The following PRKD1 variants were observed in gnomAD, a reference collection of about 807,000 sequenced individuals.
PRKD1 encodes serine/threonine-protein kinase D1.
Under a neutral mutation model 95.9 loss-of-function variants are expected in PRKD1, and 63 were observed. That is an observed-to-expected ratio of 0.66 (90% confidence interval 0.54 to 0.81). The LOEUF (loss-of-function observed/expected upper bound fraction) is 0.81, where lower values mean the gene tolerates loss of function less well. Among genes scored for constraint, PRKD1 ranks in the 30% least tolerant of loss-of-function variants. The pLI, the probability that PRKD1 is intolerant of heterozygous loss-of-function variation, is 0.00. For synonymous variants in PRKD1, 425 were observed against 423.1 expected (o/e 1.00, Z -0.05); for missense variants, 1,048 against 1,165.3 (o/e 0.90, Z 1.47).
intron 8 of PRKD1, 101 bp from the exon 9 acceptor site, chr14:29,633,047 G>A (rs1880129326): frequency 9.2e-7 from 1 of 1,087,190 alleles, no homozygotes; most frequent in East Asian, 2.4e-5. Context: ...GCGATTTGAG[G>A]GTGGAAAGTG....
intron 2 of PRKD1, among the ~76,000 whole-genome samples, chr14:29,721,900 T>C (rs907375752): frequency 2.6e-5 from 4 of 152,098 alleles, no homozygotes; most frequent in African/African-American, 9.7e-5. Flanking sequence ...ACACTAGTCA[T>C]GTTTTTCAAA....
chr14:29,609,515 C>CACAG (rs1415033600), intron 13 of PRKD1, among the ~76,000 whole-genome samples: 2 of 147,246 alleles, frequency 1.4e-5, no homozygotes, highest in Non-Finnish European at 3.0e-5. Context: ...TGCACACACA[C>CACAG]ACACACACAC....
chr14:29,687,148 A>G (rs1883928771), intron 2 of PRKD1, among the ~76,000 whole-genome samples: 1 of 152,192 alleles, frequency 6.6e-6, no homozygotes, highest in Non-Finnish European at 1.5e-5. Context: ...TTAAAAAAAA[A>G]AGAAAAAAAC....
At chr14:29,834,556 G>T (rs1163646047) in intron 1 of PRKD1, among the ~76,000 whole-genome samples, 8 of 151,836 alleles carry the variant, frequency 5.3e-5, no homozygotes. Context: ...ATAATTTAAT[G>T]GTTGGATGTT....
At chr14:29,676,183 GTT>G (rs34953735) in intron 2 of PRKD1, among the ~76,000 whole-genome samples, 3 of 67,446 alleles carry the variant, frequency 4.4e-5, no homozygotes, top group East Asian at 7.2e-4. Flanking sequence ...TTACGTTTTT[GTT>G]TTTTTTTTTT....
intron 1 of PRKD1, among the ~76,000 whole-genome samples, chr14:29,849,671 C>T (rs978235733): frequency 1.3e-5 from 2 of 151,908 alleles, no homozygotes; most frequent in African/African-American, 4.8e-5. Flanking sequence ...ACCAATCCCA[C>T]CGAAACTATT....
intron 16 of PRKD1, among the ~76,000 whole-genome samples, chr14:29,588,160 G>T (rs555422507): frequency 1.3e-5 from 2 of 152,286 alleles, no homozygotes; most frequent in South Asian, 4.1e-4. Flanking sequence ...CGTACCATTG[G>T]ATTTCTGGGT....
At chr14:29,688,198 G>T (rs560425611) in intron 2 of PRKD1, among the ~76,000 whole-genome samples, 1 of 152,256 alleles carries the variant, frequency 6.6e-6, no homozygotes, top group East Asian at 1.9e-4. Context: ...TGGTCCCTCT[G>T]ATTCTCTCTC....
chr14:29,909,793 A>G (rs189963747), intron 1 of PRKD1, among the ~76,000 whole-genome samples: 45 of 151,820 alleles, frequency 3.0e-4, no homozygotes, highest in African/African-American at 1.1e-3. Context: ...ACGTCTAGCT[A>G]AAGGATTGTA....
intron 1 of PRKD1, among the ~76,000 whole-genome samples, chr14:29,871,477 C>T (rs968434607): frequency 5.9e-5 from 9 of 152,136 alleles, no homozygotes; most frequent in Non-Finnish European, 4.4e-5. Flanking sequence ...TTCAGAAAGT[C>T]TGAGTTCTTA....
At chr14:29,779,626 C>G (rs926623177) in intron 1 of PRKD1, among the ~76,000 whole-genome samples, 5 of 151,482 alleles carry the variant, frequency 3.3e-5, no homozygotes, top group Non-Finnish European at 5.9e-5. Flanking sequence ...CACTGCTCAA[C>G]GAAATAAAAG....
At chr14:29,717,054 G>A (rs1885646452) in intron 2 of PRKD1, among the ~76,000 whole-genome samples, 1 of 152,054 alleles carries the variant, frequency 6.6e-6, no homozygotes, top group South Asian at 2.1e-4. Context: ...ATGTCAAGAA[G>A]AACTAATAAA....
intron 7 of PRKD1, 91 bp downstream of exon 7, chr14:29,636,199 T>C: frequency 6.9e-7 from 1 of 1,442,908 alleles, no homozygotes; most frequent in South Asian, 1.2e-5. Flanking sequence ...TTCACATTTC[T>C]ACTATAATCT....
chr14:29,703,420 G>C (rs1156780532), intron 2 of PRKD1, among the ~76,000 whole-genome samples: 1 of 152,074 alleles, frequency 6.6e-6, no homozygotes, highest in African/African-American at 2.4e-5. Context: ...TACTCCACTG[G>C]GTTTTGGGAC....
intron 2 of PRKD1, among the ~76,000 whole-genome samples, chr14:29,711,949 T>G (rs897754819): frequency 6.6e-6 from 1 of 152,186 alleles, no homozygotes; most frequent in African/African-American, 2.4e-5. Context: ...AGATCTCATG[T>G]GGGATCACCA....
chr14:29,840,044 A>C (rs1477328115), intron 1 of PRKD1, among the ~76,000 whole-genome samples: 1 of 152,114 alleles, frequency 6.6e-6, no homozygotes, highest in Admixed American at 6.5e-5. Flanking sequence ...AAATTTCTGC[A>C]GCCACCTTGA....
chr14:29,677,154 T>C (rs529944050), intron 2 of PRKD1, among the ~76,000 whole-genome samples: 3 of 152,322 alleles, frequency 2.0e-5, no homozygotes, highest in South Asian at 2.1e-4. Flanking sequence ...TTTGATAAGC[T>C]CAGTTTAATT....
intron 1 of PRKD1, among the ~76,000 whole-genome samples, chr14:29,824,565 G>A (rs1891037923): frequency 6.6e-6 from 1 of 151,858 alleles, no homozygotes; most frequent in South Asian, 2.1e-4. Context: ...CAATATTCAG[G>A]AAAAAATTGT....
chr14:29,916,094 C>T (rs1347048518), intron 1 of PRKD1, among the ~76,000 whole-genome samples: 1 of 152,176 alleles, frequency 6.6e-6, no homozygotes, highest in African/African-American at 2.4e-5. Flanking sequence ...GAGAAACCAC[C>T]AGTTCAAGGT....
Sources: gnomAD v4.1 joint callset for allele counts (sites outside exome capture counted in the v4.1 genomes callset) on GRCh38, gnomAD v4.1.1 for gene constraint, MANE v1.5 for transcripts, NCBI Gene and HGNC (gene_info 2026-07-23, HGNC 2026-07-21) for gene names.